MRTFB: variants seen among roughly 807,000 people sequenced by gnomAD.
The protein encoded by MRTFB is myocardin-related transcription factor B.
MRTFB carries 29 observed loss-of-function variants against 104.2 expected under a neutral mutation model. The observed-to-expected ratio is 0.28, with a 90% confidence interval of 0.21 to 0.38. MRTFB has a LOEUF of 0.38. Among genes scored for constraint, MRTFB ranks in the 10% least tolerant of loss-of-function variants. The pLI is 1.00. For synonymous variants in MRTFB, 535 were observed against 519.5 expected, an observed-to-expected ratio of 1.03 and a Z score of -0.41; for missense variants, 1,270 against 1,341.6, an observed-to-expected ratio of 0.95 and a Z score of 0.83.
chr16:14,087,669 C>G (rs976515962), intron 2 of MRTFB, among the ~76,000 whole-genome samples: 3 of 152,166 alleles, frequency 2.0e-5, no homozygotes, highest in Non-Finnish European at 2.9e-5. Flanking sequence ...TCAGTCTGCT[C>G]TAATGTAACA....
chr16:14,254,480 G>A (rs560828909), intron 15 of MRTFB, among the ~76,000 whole-genome samples: 194 of 152,304 alleles, frequency 1.3e-3, no homozygotes, highest in African/African-American at 4.4e-3. Context: ...TTTATGGCCT[G>A]GAAATCCAGA....
chr16:14,199,925 A>G (rs2040606702), intron 3 of MRTFB: 1 of 185,248 alleles, frequency 5.4e-6, no homozygotes, highest in African/African-American at 2.4e-5. Context: ...ATTATTTGAC[A>G]TGATATCACT....
At position 14,100,047 on chromosome 16, in the gene MRTFB, G is replaced by C. The variant is rs181217220; in HGVS notation, c.-64+20693G>C. ...CATAATCATGTTATTTTTAAACGAA[G>C]ACAGTTTTACTTCTTCCTTTCTAAT... is the stretch of plus-strand genomic sequence containing the variant. On this transcript the variant is annotated intron_variant, in intron 2 of 16. Transcript: ENST00000571589. Among the ~76,000 whole-genome samples, 164 of 152,248 alleles carry C rather than the reference G, an allele frequency of 1.1e-3. 1 individual carries two copies. The highest frequency in any genetic ancestry group is 2.6e-4 in the Non-Finnish European group (18 of 68,004).
chr16:14,218,694 T>C lies in MRTFB; in HGVS notation c.515-126T>C, dbSNP rs960067659. The C allele has an allele frequency of 7.9e-5, 70 of 887,874 alleles. No homozygotes were observed. The African/African-American group carries it at 1.1e-3, about 13-fold the overall frequency. 55.0% of individuals were successfully genotyped at this position (887,874 alleles called of 1,614,324 possible). On this transcript the variant is annotated intron_variant, in intron 7 of 16. Transcript: ENST00000571589. ...GTGTGTTCTTGCACTGGGAGGTACA[T>C]TGTGTTCAATTTTTTTTTTAAGCAG...
At chr16:14,223,349 G>C (rs896340298) in intron 8 of MRTFB, among the ~76,000 whole-genome samples, 1 of 151,818 alleles carries the variant, frequency 6.6e-6, no homozygotes, top group Non-Finnish European at 1.5e-5. Flanking sequence ...TGACCATTCA[G>C]GGAACAAAAT....
intron 8 of MRTFB, among the ~76,000 whole-genome samples, chr16:14,233,033 C>G (rs973089160): frequency 1.3e-5 from 2 of 152,118 alleles, no homozygotes; most frequent in African/African-American, 4.8e-5. Flanking sequence ...TAGTTTATTA[C>G]AATAGTAATT....
intron 3 of MRTFB, among the ~76,000 whole-genome samples, chr16:14,203,678 C>T (rs2040814450): frequency 6.6e-6 from 1 of 151,784 alleles, no homozygotes; most frequent in Non-Finnish European, 1.5e-5. Context: ...TGGTACACAA[C>T]TTGTAATCCC....
the MRTFB span, among the ~76,000 whole-genome samples, chr16:14,023,675 GTC>G: frequency 0.019 from 2,694 of 144,902 alleles, 75 homozygotes; most frequent in African/African-American, 0.057. Context: ...GTGTGTGTGT[GTC>G]TATATATATA....
intron 2 of MRTFB, among the ~76,000 whole-genome samples, chr16:14,099,028 A>AT (rs1385215377): frequency 6.6e-6 from 1 of 152,050 alleles, no homozygotes; most frequent in Non-Finnish European, 1.5e-5. Flanking sequence ...CAACTTTTTA[A>AT]TTTTTTACAA....
At chr16:14,143,719 T>C (rs1437680316) in intron 3 of MRTFB, 1 of 152,168 alleles carries the variant, frequency 6.6e-6, no homozygotes, top group Non-Finnish European at 1.5e-5. Flanking sequence ...GTTTTTTTTT[T>C]TAAATTGTCT....
At chr16:14,064,871 A>G in the MRTFB span, among the ~76,000 whole-genome samples, 1 of 152,124 alleles carries the variant, frequency 6.6e-6, no homozygotes, top group Non-Finnish European at 1.5e-5. Flanking sequence ...GCCTTGTAGT[A>G]TGGTTTGAAG....
intron 3 of MRTFB, among the ~76,000 whole-genome samples, chr16:14,198,156 TATTTA>T (rs571498926): frequency 6.6e-6 from 1 of 152,200 alleles, no homozygotes; most frequent in Non-Finnish European, 1.5e-5. Context: ...GTAGTATGAG[TATTTA>T]ATTTATTTTT....
At chr16:14,131,242 T>C (rs923767433) in intron 2 of MRTFB, among the ~76,000 whole-genome samples, 4 of 152,200 alleles carry the variant, frequency 2.6e-5, no homozygotes, top group African/African-American at 9.7e-5. Context: ...TCATCTAATA[T>C]AAATTCAAAC....
At chr16:14,031,440 A>G in the MRTFB span, among the ~76,000 whole-genome samples, 1 of 152,132 alleles carries the variant, frequency 6.6e-6, no homozygotes, top group Non-Finnish European at 1.5e-5. Context: ...CTTTGAAAAA[A>G]CATTTATCAT....
intron 2 of MRTFB, among the ~76,000 whole-genome samples, chr16:14,101,785 A>C (rs1419471117): frequency 6.6e-6 from 1 of 152,170 alleles, no homozygotes; most frequent in Non-Finnish European, 1.5e-5. Context: ...TCTCCAATAA[A>C]CTATTCCTTG....
chr16:14,248,522 T>C (rs1257804079), intron 12 of MRTFB: 1 of 154,586 alleles, frequency 6.5e-6, no homozygotes, highest in Non-Finnish European at 1.4e-5. Context: ...GCCCCATTGC[T>C]GGCTCTCCCT....
At chr16:14,006,278 G>A in the MRTFB span, among the ~76,000 whole-genome samples, 1 of 152,126 alleles carries the variant, frequency 6.6e-6, no homozygotes, top group Non-Finnish European at 1.5e-5. Context: ...GGGAGGCGGA[G>A]GTTGCAGCGA....
At chr16:14,238,114 G>A (rs777459254) in intron 9 of MRTFB, among the ~76,000 whole-genome samples, 27 of 152,168 alleles carry the variant, frequency 1.8e-4, no homozygotes, top group Non-Finnish European at 2.8e-4. Flanking sequence ...GTCTGGAGAC[G>A]TTTCTGGTTG....
At chr16:14,022,700 A>G in the MRTFB span, among the ~76,000 whole-genome samples, 1 of 150,088 alleles carries the variant, frequency 6.7e-6, no homozygotes, top group East Asian at 2.0e-4. Context: ...CATAAAAAAC[A>G]TTTCGTCAGT....
Sources: allele counts gnomAD v4.1 joint callset (sites outside exome capture counted in the v4.1 genomes callset), GRCh38; gene constraint gnomAD v4.1.1; transcripts MANE v1.5; gene names NCBI Gene and HGNC (gene_info 2026-07-23, HGNC 2026-07-21).